The following ZNF239 variants were observed in gnomAD, a reference collection of about 807,000 sequenced individuals.
The protein encoded by ZNF239 is zinc finger protein (C2H2) homologous to mouse MOK-2.
Under a neutral mutation model 27.5 loss-of-function variants are expected in ZNF239, and 16 were observed. The ratio of observed to expected loss-of-function variants is 0.58; its 90% confidence interval spans 0.39 to 0.88. The LOEUF is 0.88. ZNF239 is among the 40% of genes least tolerant of loss of function. ZNF239 has a pLI of 0.00. For missense variants in ZNF239, 527 were observed against 551.9 expected, an observed-to-expected ratio of 0.95 and a Z score of 0.45; for synonymous variants, 199 against 192.6, an observed-to-expected ratio of 1.03 and a Z score of -0.27.
At chr10:43,568,401 A>G in intron 2 of ZNF239, 1 of 985,376 alleles carries the variant, frequency 1.0e-6, no homozygotes. Flanking sequence ...CTTAATCTCC[A>G]CAGTGCCAAT....
At chr10:43,564,398 C>T in intron 3 of ZNF239, 1 of 423,426 alleles carries the variant, frequency 2.4e-6, no homozygotes, top group Non-Finnish European at 3.2e-6. Flanking sequence ...CTAATTTTTA[C>T]CCTATTTTAA....
chr10:43,571,031 A>C, intron 2 of ZNF239: 1 of 985,082 alleles, frequency 1.0e-6, no homozygotes, highest in Non-Finnish European at 1.2e-6. Flanking sequence ...GGACTGAAAC[A>C]CTGAATAATC....
In ZNF239 at chr10:43,556,533, CA is replaced by C. The variant is rs1315104358; in HGVS notation, c.*169del. ...ACAATCCATTCATTGTACAGCATAA[CA>C]AAGTGCTTGATACTTAAATATTTTG... On this transcript the variant is annotated 3_prime_UTR_variant, in exon 4 of 4. Transcript: ENST00000374446. The C allele has an allele frequency of 7.2e-6, 6 of 837,142 alleles. No individual in the cohort carries two copies. Among genetic ancestry groups the C allele is most frequent in the Admixed American group, 2.9e-5 (1 of 34,244 alleles). 51.9% of individuals were successfully genotyped at this position (837,142 alleles called of 1,614,324 possible). A position where few individuals can be genotyped will look rare whatever the true frequency, so the allele number is the denominator to read the frequency against.
chr10:43,570,366 C>T (rs1197033394), intron 2 of ZNF239: 1 of 985,294 alleles, frequency 1.0e-6, no homozygotes, highest in East Asian at 1.1e-4. Flanking sequence ...TCCATCACCA[C>T]ATCCTTTAGC....
chr10:43,557,560 T>C lies in ZNF239; in HGVS notation c.520A>G (p.Thr174Ala). ...VVSCSQQRAHTEEKPCDHNNC... is the reference protein window; with the variant it reads ...VVSCSQQRAHAEEKPCDHNNC... Reference sequence around the variant, plus strand: ...TTATGGTCACAGGGTTTCTCCTCTGTATGAGCTCTCTGCTGACTACAACTG... The same window carrying C: ...TTATGGTCACAGGGTTTCTCCTCTGCATGAGCTCTCTGCTGACTACAACTG... The change falls in exon 4 of 4, where the codon ACA (threonine) becomes GCA (alanine). Residue 174 changes from threonine (T) to alanine (A), a missense_variant. Transcript: ENST00000374446. 1 of 1,614,166 alleles carries C rather than the reference T, an allele frequency of 6.2e-7. No homozygotes were observed. The highest frequency in any genetic ancestry group is 8.5e-7 in the Non-Finnish European group (1 of 1,180,026).
In ZNF239 at chr10:43,557,466, TTC is replaced by T; in HGVS notation, c.612_613del (p.Lys205ThrfsTer5). 9.3e-6 allele frequency: 15 copies of T among 1,614,156 alleles called. No individual in the cohort carries two copies. Among genetic ancestry groups the T allele is most frequent in the Non-Finnish European group, 1.2e-5 (14 of 1,180,000 alleles). ...ACCACACTGACTACATTCGTATTGTTTCTCTGCAGTGTGGATTTTCTCATATG... is the reference window on the plus strand; with the variant it reads ...ACCACACTGACTACATTCGTATTGTTTCTGCAGTGTGGATTTTCTCATATG... On this transcript the variant is annotated frameshift_variant, in exon 4 of 4. Transcript: ENST00000374446. LOFTEE classifies it high-confidence loss of function.
At position 43,574,586 on chromosome 10, in the gene ZNF239, G is replaced by C. The variant is rs1275287091; in HGVS notation, c.-303C>G. The stretch of plus-strand genomic sequence containing the variant: ...CTGCAGGGGCCAGATTCCGGATGCT[G>C]ACCGCTCGCGCGCCTAGGGCCCCGA... On this transcript the variant is annotated 5_prime_UTR_variant, in exon 1 of 4. Coordinates refer to ENST00000374446, the MANE Select transcript of ZNF239 (RefSeq NM_001099282.2). The C allele has an allele frequency of 6.6e-6, 1 of 152,296 alleles. No homozygotes were observed. Among genetic ancestry groups the C allele is most frequent in the South Asian group, 2.1e-4 (1 of 4,832 alleles). The allele number at this position is 152,296 out of a possible 1,614,324, so 9.4% of individuals were successfully genotyped here.
In ZNF239 at chr10:43,557,297, C is replaced by T; in HGVS notation, c.783G>A (p.Lys261=). Residue 261 remains lysine (K), a synonymous_variant, in exon 4 of 4, where the codon AAG becomes AAA. Transcript: ENST00000374446. ...LIHQAVHTDE[K]PYKCDKCGKG... ...TCCCACACTTGTCACACTTATAAGG[C>T]TTCTCATCTGTGTGGACTGCCTGAT... The T allele has an allele frequency of 1.2e-6, 2 of 1,613,960 alleles. No homozygotes were observed. Among genetic ancestry groups the T allele is most frequent in the Non-Finnish European group, 1.7e-6 (2 of 1,179,966 alleles).
At chr10:43,568,297 T>C (rs1483977162) in intron 2 of ZNF239, 1 of 985,416 alleles carries the variant, frequency 1.0e-6, no homozygotes, top group African/African-American at 1.7e-5. Context: ...TCTTGTGTCA[T>C]TGCTGAGTTG....
chr10:43,561,489 G>A (rs936936194), intron 3 of ZNF239, among the ~76,000 whole-genome samples: 5 of 152,048 alleles, frequency 3.3e-5, no homozygotes, highest in African/African-American at 1.2e-4. Context: ...TCAAATTTTG[G>A]GTTAAAAGTC....
chr10:43,573,416 G>A (rs1564471249), intron 2 of ZNF239, among the ~76,000 whole-genome samples: 1 of 152,028 alleles, frequency 6.6e-6, no homozygotes, highest in South Asian at 2.1e-4. Flanking sequence ...CCACTGCTCT[G>A]AGGAGTGGAA....
chr10:43,563,042 C>A (rs913573252), intron 3 of ZNF239, among the ~76,000 whole-genome samples: 1 of 152,030 alleles, frequency 6.6e-6, no homozygotes, highest in African/African-American at 2.4e-5. Context: ...AGGCCGGGCA[C>A]GGTGGCTCAT....
Position 43,560,493 on chromosome 10 carries a change from G to A in ZNF239, c.-92-2322C>T, listed in dbSNP as rs537553462. 2.6e-5 allele frequency among the ~76,000 whole-genome samples: 4 copies of A among 151,494 alleles called. No homozygotes were observed. In the South Asian group the frequency reaches 6.3e-4, roughly 24 times the overall value. On this transcript the variant is annotated intron_variant, in intron 3 of 3. Transcript: ENST00000374446. The stretch of plus-strand genomic sequence containing the variant: ...GTGCAGGGGAGTACAGGGAATAGGA[G>A]GCCCACCTGAGGCTCAGCCCTAGCC...
chr10:43,564,314 T>C (rs1837484794), intron 3 of ZNF239: 2 of 982,366 alleles, frequency 2.0e-6, no homozygotes, highest in Non-Finnish European at 2.4e-6. Context: ...AATGACATCA[T>C]AAATGATGTT....
intron 2 of ZNF239, chr10:43,570,893 G>GT: frequency 1.0e-6 from 1 of 985,224 alleles, no homozygotes. Context: ...AGGATATGTT[G>GT]GTGGACTACT....
At chr10:43,573,461 T>C (rs190265947) in intron 2 of ZNF239, among the ~76,000 whole-genome samples, 176 bp downstream of exon 2, 1 of 152,296 alleles carries the variant, frequency 6.6e-6, no homozygotes, top group Admixed American at 6.5e-5. Flanking sequence ...CAGTGAAAAC[T>C]CTCTGTGCAG....
Position 43,568,028 on chromosome 10 carries a change from C to T in ZNF239, c.-215-7G>A. On this transcript the variant is annotated splice_polypyrimidine_tract_variant and splice_region_variant and intron_variant, in intron 2 of 3. Transcript: ENST00000374446. ...CCTTGAATGTAACTGGTTCCTAAAA[C>T]ATTAAGCACATTCCTCCTCAACAAA... 1 of 985,958 alleles carries T rather than the reference C, an allele frequency of 1.0e-6. No individual in the cohort carries two copies. The highest frequency in any genetic ancestry group is 1.2e-6 in the Non-Finnish European group (1 of 830,054). 61.1% of individuals were successfully genotyped at this position (985,958 alleles called of 1,614,324 possible). A position where few individuals can be genotyped will look rare whatever the true frequency, so the allele number is the denominator to read the frequency against.
In ZNF239 at chr10:43,557,799, C is replaced by T. The variant is rs372651134; in HGVS notation, c.281G>A (p.Arg94His). The T allele has an allele frequency of 2.5e-5, 40 of 1,614,096 alleles. No homozygotes were observed. The highest frequency in any genetic ancestry group is 5.3e-5 in the African/African-American group (4 of 74,942). The change falls in exon 4 of 4, where the codon CGT becomes CAT. Residue 94 changes from arginine to histidine, a missense_variant. By Grantham distance (29) the Arg-to-His change is conservative. Coordinates refer to ENST00000374446, the MANE Select transcript of ZNF239 (RefSeq NM_001099282.2). The stretch of plus-strand genomic sequence containing the variant: ...AGTGCTTTCTTCCATTACAAAGAGA[C>T]GTCTGCTTTCCTGATGATCCTGAGG... ...NEPQDHQESR[R>H]LFVMEESTER...
rs757877905 is a variant in ZNF239 at position 43,557,255 on chromosome 10, G to A, written c.825C>T (p.Ser275=). Residue 275 remains serine, a synonymous_variant, in exon 4 of 4, where the codon AGC becomes AGT. Coordinates refer to ENST00000374446, the MANE Select transcript of ZNF239 (RefSeq NM_001099282.2). ...CDKCGKGFTR[S]SSLLIHHAVH... is the part of the protein sequence containing the mutation. ...CGGCATGATGGATGAGCAGACTTGA[G>A]CTCCTGGTGAAGCCCTTCCCACACT... is the stretch of plus-strand genomic sequence containing the variant. 15 of 1,613,740 alleles carry A rather than the reference G, an allele frequency of 9.3e-6. No homozygotes were observed. The highest frequency in any genetic ancestry group is 1.3e-5 in the African/African-American group (1 of 74,784).
Sources: gnomAD v4.1 joint callset for allele counts (sites outside exome capture counted in the v4.1 genomes callset) on GRCh38, gnomAD v4.1.1 for gene constraint, MANE v1.5 for transcripts, NCBI Gene and HGNC (gene_info 2026-07-23, HGNC 2026-07-21) for gene names.